Variants in CNTNAP4 observed in about 807,000 individuals in gnomAD.
CNTNAP4 encodes the protein contactin-associated protein-like 4.
Under a neutral mutation model 148.4 loss-of-function variants are expected in CNTNAP4, and 98 were observed. The observed-to-expected ratio is 0.66, with a 90% CI of 0.56 to 0.78. CNTNAP4 has a LOEUF of 0.78. Ranked by LOEUF, CNTNAP4 falls within the 30% of genes least tolerant of loss-of-function variation. The probability of loss-of-function intolerance (pLI) is 0.00; values close to 1 mark genes in which losing one functional copy is unlikely to be tolerated. For missense variants in CNTNAP4, 1,935 were observed against 1,565.6 expected, an observed-to-expected ratio of 1.24 and a Z score of -3.98; for synonymous variants, 730 against 565.1, an observed-to-expected ratio of 1.29 and a Z score of -4.14.
At position 76,522,008 on chromosome 16, in the gene CNTNAP4, C is replaced by G. The variant is rs1302838932; in HGVS notation, c.2537-31C>G. On this transcript the variant is annotated intron_variant, in intron 16 of 23. Coordinates refer to ENST00000611870, the MANE Select transcript of CNTNAP4 (RefSeq NM_033401.5). ...CTCGGCACTTCGCCATAGGAACTCA[C>G]TAGAACAATCTTTATGTGTAATATT... 4 of 1,604,166 alleles carry G rather than the reference C, an allele frequency of 2.5e-6. No individual in the cohort carries two copies. The African/African-American group carries it at 4.0e-5, about 16-fold the overall frequency.
intron 13 of CNTNAP4, among the ~76,000 whole-genome samples, chr16:76,493,464 C>T (rs767013803): frequency 4.0e-4 from 52 of 131,220 alleles, no homozygotes; most frequent in Non-Finnish European, 8.0e-4. Context: ...AAATTCATTC[C>T]TTTACTTATT....
intron 4 of CNTNAP4, among the ~76,000 whole-genome samples, chr16:76,442,772 C>A (rs777377391): frequency 6.6e-6 from 1 of 152,080 alleles, no homozygotes; most frequent in Non-Finnish European, 1.5e-5. Context: ...ATGGTTCAAA[C>A]CCTTTCCACT....
At chr16:76,353,753 C>A (rs974229937) in intron 2 of CNTNAP4, among the ~76,000 whole-genome samples, 1 of 152,130 alleles carries the variant, frequency 6.6e-6, no homozygotes, top group Non-Finnish European at 1.5e-5. Context: ...GGCGTCTTCT[C>A]TTGTTAGTAG....
intron 3 of CNTNAP4, among the ~76,000 whole-genome samples, chr16:76,405,349 CA>C (rs1228786760): frequency 6.6e-6 from 1 of 152,102 alleles, no homozygotes; most frequent in Non-Finnish European, 1.5e-5. Flanking sequence ...TGCAACTTTC[CA>C]AATCATCAAT....
At chr16:76,355,293 C>A in intron 2 of CNTNAP4, 25 bp from the exon 3 acceptor site, 2 of 1,479,024 alleles carry the variant, frequency 1.4e-6, no homozygotes, top group Non-Finnish European at 1.8e-6. Flanking sequence ...TCTCAATTTT[C>A]TCCTGTTTCT....
chr16:76,400,745 T>A (rs1418667312), intron 3 of CNTNAP4, among the ~76,000 whole-genome samples: 1 of 152,096 alleles, frequency 6.6e-6, no homozygotes, highest in Non-Finnish European at 1.5e-5. Context: ...CCAGTTTCGG[T>A]TTTCTACTTA....
intron 22 of CNTNAP4, 67 bp from the exon 23 acceptor site, chr16:76,553,769 A>T: frequency 1.0e-6 from 1 of 978,718 alleles, no homozygotes; most frequent in Non-Finnish European, 1.6e-6. Flanking sequence ...AACATTTATG[A>T]TGTTTTCAAA....
chr16:76,336,596 C>G (rs1454320616), intron 2 of CNTNAP4, among the ~76,000 whole-genome samples: 9 of 152,272 alleles, frequency 5.9e-5, no homozygotes, highest in African/African-American at 1.7e-4. Flanking sequence ...GTTGCCAGGA[C>G]TTCATTATTT....
intron 23 of CNTNAP4, among the ~76,000 whole-genome samples, chr16:76,554,139 A>C (rs557474019): frequency 2.6e-5 from 4 of 152,194 alleles, no homozygotes; most frequent in Non-Finnish European, 5.9e-5. Flanking sequence ...TCACTGAAGC[A>C]TGGCACTCAA....
Position 76,522,026 on chromosome 16 carries a change from G to A in CNTNAP4, c.2537-13G>A. On this transcript the variant is annotated splice_polypyrimidine_tract_variant and intron_variant, in intron 16 of 23. Transcript: ENST00000611870. ...GAACTCACTAGAACAATCTTTATGT[G>A]TAATATTTCCAGCTCCGACAGTAGT... The A allele has an allele frequency of 6.2e-7, 1 of 1,612,932 alleles. No homozygotes were observed. Among genetic ancestry groups the A allele is most frequent in the Non-Finnish European group, 8.5e-7 (1 of 1,178,946 alleles).
At chr16:76,513,746 T>G (rs1364020085) in intron 15 of CNTNAP4, among the ~76,000 whole-genome samples, 1 of 152,198 alleles carries the variant, frequency 6.6e-6, no homozygotes, top group African/African-American at 2.4e-5. Flanking sequence ...TAAGAACCCT[T>G]CTACTTACTG....
Position 76,522,226 on chromosome 16 carries a change from C to T in CNTNAP4, c.2724C>T (p.Val908=). The change falls in exon 17 of 24, where the codon GTC becomes GTT. Residue 908 remains valine, a synonymous_variant. Transcript: ENST00000611870. ...KTQPAPADGH[V]LLQLNSQLFV... ...AGCCCGCCCCCGCTGATGGGCATGT[C>T]CTGTTACAGCTCAACAGTCAGCTCT... 6.2e-7 allele frequency: 1 copy of T among 1,613,874 alleles called. No homozygotes were observed. Among genetic ancestry groups the T allele is most frequent in the Non-Finnish European group, 8.5e-7 (1 of 1,179,876 alleles).
At chr16:76,410,209 C>T (rs1313697682) in intron 3 of CNTNAP4, among the ~76,000 whole-genome samples, 2 of 151,542 alleles carry the variant, frequency 1.3e-5, no homozygotes, top group African/African-American at 2.4e-5. Flanking sequence ...TAATATTTCA[C>T]TTGTTGCTGG....
chr16:76,297,440 T>C (rs1262167497), intron 1 of CNTNAP4, among the ~76,000 whole-genome samples: 1 of 152,192 alleles, frequency 6.6e-6, no homozygotes, highest in Non-Finnish European at 1.5e-5. Context: ...GTTGCAGCCC[T>C]AAAGAATTAA....
intron 3 of CNTNAP4, among the ~76,000 whole-genome samples, chr16:76,399,905 C>T (rs919080002): frequency 6.6e-5 from 10 of 152,072 alleles, no homozygotes; most frequent in African/African-American, 2.4e-4. Context: ...CATAATATTC[C>T]ATCAAGTACA....
At chr16:76,366,173 A>G (rs1180269370) in intron 3 of CNTNAP4, among the ~76,000 whole-genome samples, 1 of 152,146 alleles carries the variant, frequency 6.6e-6, no homozygotes, top group Non-Finnish European at 1.5e-5. Flanking sequence ...GTTCAGGGAT[A>G]CATGTGCAGG....
intron 9 of CNTNAP4, among the ~76,000 whole-genome samples, chr16:76,464,828 G>A (rs1237460970): frequency 1.3e-5 from 2 of 152,128 alleles, no homozygotes; most frequent in Non-Finnish European, 2.9e-5. Flanking sequence ...CCCTCAAACA[G>A]GTGCTTTTCA....
rs796212730 is a variant in CNTNAP4, at chr16:76,470,482, A to T, written c.1655+2959A>T. On this transcript the variant is annotated intron_variant, in intron 10 of 23. Coordinates refer to ENST00000611870, the MANE Select transcript of CNTNAP4 (RefSeq NM_033401.5). Reference sequence around the variant, plus strand: ...ATAGCAAAACCACGTCTCTACTAATAATATATATATATATAAAATTAGTCG... The same window carrying T: ...ATAGCAAAACCACGTCTCTACTAATTATATATATATATATAAAATTAGTCG... Among the ~76,000 whole-genome samples, 83 of 96,912 alleles carry T rather than the reference A, an allele frequency of 8.6e-4. 1 individual carries two copies. Among genetic ancestry groups the T allele is most frequent in the African/African-American group, 3.5e-3 (74 of 21,056 alleles). The allele number at this position is 96,912 out of a possible 152,430, so 63.6% of individuals were successfully genotyped here.
intron 5 of CNTNAP4, among the ~76,000 whole-genome samples, 157 bp downstream of exon 5, chr16:76,448,372 G>T (rs953571254): frequency 2.7e-5 from 4 of 145,766 alleles, no homozygotes; most frequent in African/African-American, 7.7e-5. Context: ...TGTAAAAATG[G>T]TTCATATTTT....
Sources: gnomAD v4.1 joint callset for allele counts (sites outside exome capture counted in the v4.1 genomes callset) on GRCh38, gnomAD v4.1.1 for gene constraint, MANE v1.5 for transcripts, NCBI Gene and HGNC (gene_info 2026-07-23, HGNC 2026-07-21) for gene names.